The following ABCG1 variants were observed in gnomAD, a reference collection of about 807,000 sequenced individuals.
The protein encoded by ABCG1 is ATP binding cassette subfamily G member 1.
A neutral mutation model predicts 69.2 loss-of-function variants in ABCG1; 29 were observed. The observed-to-expected ratio is 0.42, with a 90% CI of 0.31 to 0.57. ABCG1 has a LOEUF of 0.57. Among genes scored for constraint, ABCG1 ranks in the 20% least tolerant of loss-of-function variants. The pLI, the probability that ABCG1 is intolerant of heterozygous loss-of-function variation, is 0.15. For synonymous variants in ABCG1, 370 were observed against 374.8 expected (o/e 0.99, Z 0.15); for missense variants, 718 against 898.1 (o/e 0.80, Z 2.56).
chr21:42,241,430 C>T (rs2068049298), intron 2 of ABCG1, among the ~76,000 whole-genome samples: 1 of 151,802 alleles, frequency 6.6e-6, no homozygotes, highest in South Asian at 2.1e-4. Flanking sequence ...CATGGTGAAA[C>T]CCCATCTCTA....
At position 42,219,756 on chromosome 21, in the gene ABCG1, C is replaced by T; in HGVS notation, c.42+452C>T. 3 of 1,354,618 alleles carry T rather than the reference C, an allele frequency of 2.2e-6. No individual in the cohort carries two copies. The highest frequency in any genetic ancestry group is 2.9e-6 in the Non-Finnish European group (3 of 1,037,444). The allele number at this position is 1,354,618 out of a possible 1,614,324, so 83.9% of individuals were successfully genotyped here. The stretch of plus-strand genomic sequence containing the variant: ...GCTTGGGGACCGGGGACTTCTCGCG[C>T]CATCCCCAGGAACGCCAGGCAAGGT... On this transcript the variant is annotated intron_variant, in intron 1 of 14. Coordinates refer to ENST00000398449, the MANE Select transcript of ABCG1 (RefSeq NM_016818.3). This position sits in a 1 kb window ranked among gnomAD's most constrained non-coding sequence, Gnocchi z 5.3.
At chr21:42,256,212 T>C in intron 2 of ABCG1, 5 of 1,448,250 alleles carry the variant, frequency 3.5e-6, no homozygotes, top group Non-Finnish European at 4.6e-6. Context: ...ACCTCATAAG[T>C]GGTTTCCCAT....
chr21:42,256,077 G>C (rs1211248149), intron 2 of ABCG1: 2 of 1,163,104 alleles, frequency 1.7e-6, no homozygotes, highest in African/African-American at 1.6e-5. Flanking sequence ...ATCCAGGTGT[G>C]CACCCTTTCT....
chr21:42,265,773 C>A (rs937618495), intron 2 of ABCG1, among the ~76,000 whole-genome samples: 1 of 152,222 alleles, frequency 6.6e-6, no homozygotes, highest in African/African-American at 2.4e-5. Context: ...CGAGCTGGCT[C>A]AGGACCGCAG....
chr21:42,208,223 C>CTTTTT lies in ABCG1; in HGVS notation c.48+6512_48+6516dup, dbSNP rs35946579. 6.0e-3 allele frequency among the ~76,000 whole-genome samples: 802 copies of CTTTTT among 133,654 alleles called. 11 individuals carry two copies. Among genetic ancestry groups the CTTTTT allele is most frequent in the African/African-American group, 0.021 (763 of 36,348 alleles). The allele number at this position is 133,654 out of a possible 152,430, so 87.7% of individuals were successfully genotyped here. ...TAGAGAGAGCAGGCTTTTGTTGGGACTTTTTTTTTTTTTTTTGGTCTGTGC... is the reference window on the plus strand; with the variant it reads ...TAGAGAGAGCAGGCTTTTGTTGGGACTTTTTTTTTTTTTTTTTTTTTGGTCTGTGC... On this transcript the variant is annotated intron_variant, in intron 2 of 15. Coordinates refer to the ABCG1 transcript ENST00000398457.
In ABCG1 at chr21:42,276,986, G is replaced by A. The variant is rs915151098; in HGVS notation, c.588+41G>A. 6 of 1,602,000 alleles carry A rather than the reference G, an allele frequency of 3.7e-6. No individual in the cohort carries two copies. Among genetic ancestry groups the A allele is most frequent in the Non-Finnish European group, 4.3e-6 (5 of 1,169,328 alleles). ...GGTGCCCACAAGTGGTCCAGAAAGT[G>A]CATGACGTGCATGTGGAAGGTGTGC... is the stretch of plus-strand genomic sequence containing the variant. On this transcript the variant is annotated intron_variant, in intron 5 of 14. Coordinates refer to ENST00000398449, the MANE Select transcript of ABCG1 (RefSeq NM_016818.3). This position sits in a 1 kb window ranked among gnomAD's most constrained non-coding sequence, Gnocchi z 5.3.
Position 42,287,761 on chromosome 21 carries a change from T to C in ABCG1, c.974-128T>C. ...GATAAATGATTTTGACGTCATGCCA[T>C]TAGCACCGCCACGCAGCATCTATGT... On this transcript the variant is annotated intron_variant, in intron 8 of 14. Coordinates refer to ENST00000398449, the MANE Select transcript of ABCG1 (RefSeq NM_016818.3). The surrounding 1 kb of genome is among the most constrained non-coding windows in gnomAD (Gnocchi z 6.2). 1 of 960,162 alleles carries C rather than the reference T, an allele frequency of 1.0e-6. No individual in the cohort carries two copies. The allele number at this position is 960,162 out of a possible 1,614,324, so 59.5% of individuals were successfully genotyped here. A position where few individuals can be genotyped will look rare whatever the true frequency, so the allele number is the denominator to read the frequency against.
At chr21:42,292,600 C>T (rs1372577348) in intron 13 of ABCG1, among the ~76,000 whole-genome samples, 16 of 151,606 alleles carry the variant, frequency 1.1e-4, no homozygotes, top group Non-Finnish European at 2.1e-4. Context: ...ACAGACCACA[C>T]TACACACTAC....
rs1244428278 is a variant in ABCG1, at chr21:42,287,205, G to C, written c.974-684G>C. Among the ~76,000 whole-genome samples the C allele has an allele frequency of 6.6e-6, 1 of 152,282 alleles. No homozygotes were observed. The highest frequency in any genetic ancestry group is 6.5e-5 in the Admixed American group (1 of 15,308). On this transcript the variant is annotated intron_variant, in intron 8 of 14. Coordinates refer to ENST00000398449, the MANE Select transcript of ABCG1 (RefSeq NM_016818.3). The surrounding 1 kb of genome is among the most constrained non-coding windows in gnomAD (Gnocchi z 6.2). ...AGCAGATGTAGGCAGAGGGAAGGAG[G>C]CCAGTCACCACGGGAGTGTGGAAGG...
Position 42,276,014 on chromosome 21 carries a change from C to T in ABCG1, c.538-881C>T, listed in dbSNP as rs1452781867. Among the ~76,000 whole-genome samples the T allele has an allele frequency of 6.9e-6, 1 of 145,476 alleles. No homozygotes were observed. The highest frequency in any genetic ancestry group is 1.5e-5 in the Non-Finnish European group (1 of 66,184). ...CACACCCCGCCCCCCTCCCCGCCACCGCCCTGCATCTCACCCTCTCCTCTG... is the reference window on the plus strand; with the variant it reads ...CACACCCCGCCCCCCTCCCCGCCACTGCCCTGCATCTCACCCTCTCCTCTG... On this transcript the variant is annotated intron_variant, in intron 4 of 14. Coordinates refer to ENST00000398449, the MANE Select transcript of ABCG1 (RefSeq NM_016818.3). The surrounding 1 kb of genome is among the most constrained non-coding windows in gnomAD (Gnocchi z 5.3).
At chr21:42,285,779 G>T in intron 7 of ABCG1, 101 bp from the exon 8 acceptor site, 1 of 818,704 alleles carries the variant, frequency 1.2e-6, no homozygotes, top group South Asian at 1.5e-5. Context: ...TGGGCTGACT[G>T]ATTGATCGGT....
In ABCG1 at chr21:42,268,174, G is replaced by A. The variant is rs553046574; in HGVS notation, c.287-2896G>A. Among the ~76,000 whole-genome samples the A allele has an allele frequency of 1.8e-4, 28 of 152,278 alleles. No individual in the cohort carries two copies. In the South Asian group the frequency reaches 5.0e-3, roughly 27 times the overall value. ...GTGGAAGACAGTGTGCCCTGTGAAC[G>A]AGAGCCCACAAGGACAGGGAGGCAG... On this transcript the variant is annotated intron_variant, in intron 2 of 14. Coordinates refer to ENST00000398449, the MANE Select transcript of ABCG1 (RefSeq NM_016818.3).
intron 2 of ABCG1, among the ~76,000 whole-genome samples, chr21:42,256,869 G>A (rs1313925321): frequency 6.6e-6 from 1 of 152,228 alleles, no homozygotes; most frequent in African/African-American, 2.4e-5. Flanking sequence ...ACGTGGCTAT[G>A]TCAGCGCAGC....
chr21:42,213,679 T>C (rs2067611254), upstream of ABCG1, among the ~76,000 whole-genome samples: 1 of 152,254 alleles, frequency 6.6e-6, no homozygotes, highest in Admixed American at 6.5e-5. Context: ...CCTGGGGGCC[T>C]AAGTCCCTCC....
At chr21:42,251,042 C>T (rs955327266) in intron 2 of ABCG1, among the ~76,000 whole-genome samples, 3 of 47,920 alleles carry the variant, frequency 6.3e-5, no homozygotes, top group African/African-American at 5.6e-4. Context: ...ATGAACTTGC[C>T]TGACCATACC....
At chr21:42,220,433 AT>A (rs923135651) in intron 1 of ABCG1, among the ~76,000 whole-genome samples, 6 of 152,050 alleles carry the variant, frequency 3.9e-5, no homozygotes, top group South Asian at 2.1e-4. Flanking sequence ...AAAAAAAAAA[AT>A]AGCCAGGTTT....
At chr21:42,270,750 A>C (rs981169992) in intron 2 of ABCG1, among the ~76,000 whole-genome samples, 2 of 152,196 alleles carry the variant, frequency 1.3e-5, no homozygotes, top group Non-Finnish European at 2.9e-5. Context: ...GGCCCACCGG[A>C]CATCGCTTCC....
rs1244416837 is a variant in ABCG1 at position 42,273,469 on chromosome 21, C to T, written c.537+34C>T. 8 of 1,572,078 alleles carry T rather than the reference C, an allele frequency of 5.1e-6. No individual in the cohort carries two copies. The highest frequency in any genetic ancestry group is 5.2e-6 in the Non-Finnish European group (6 of 1,150,276). On this transcript the variant is annotated intron_variant, in intron 4 of 14. Transcript: ENST00000398449. The surrounding 1 kb of genome is among the most constrained non-coding windows in gnomAD (Gnocchi z 5.3). ...CGCCCTGCCCCGCCCCACTCCGCCC[C>T]TGCCGCCTGTCCCCAGCGCCCACAT...
chr21:42,287,860 G>T lies in ABCG1; in HGVS notation c.974-29G>T. On this transcript the variant is annotated intron_variant, in intron 8 of 14. Transcript: ENST00000398449. The surrounding 1 kb of genome is among the most constrained non-coding windows in gnomAD (Gnocchi z 6.2). ...GGTTGGGGTGTCCTTCCTGGAGCCC[G>T]GGCTGACCCCCGTCTGTGTCTCCTG... The T allele has an allele frequency of 2.0e-6, 3 of 1,532,180 alleles. No homozygotes were observed. Among genetic ancestry groups the T allele is most frequent in the Non-Finnish European group, 2.6e-6 (3 of 1,137,680 alleles). 94.9% of individuals were successfully genotyped at this position (1,532,180 alleles called of 1,614,324 possible).
Sources: allele counts gnomAD v4.1 joint callset (sites outside exome capture counted in the v4.1 genomes callset), GRCh38; gene constraint gnomAD v4.1.1; non-coding constraint Gnocchi (gnomAD v3.1); transcripts MANE v1.5; gene names NCBI Gene and HGNC (gene_info 2026-07-23, HGNC 2026-07-21).